Variants in CFTR observed in about 807,000 individuals in gnomAD.
CFTR encodes the protein CF transmembrane conductance regulator.
In CFTR, 181 loss-of-function variants were observed where a neutral mutation model predicts 171.6. The observed-to-expected ratio is 1.05, with a 90% CI of 0.93 to 1.19. The LOEUF is 1.19. Ranked by LOEUF, CFTR falls within the 50% of genes most tolerant of loss-of-function variation. CFTR has a pLI of 0.00. For missense variants in CFTR, 1,968 were observed against 1,734.7 expected (o/e 1.13, Z -2.39); for synonymous variants, 583 against 608.0 (o/e 0.96, Z 0.60).
At chr7:117,533,838 C>T (rs1410042943) in intron 4 of CFTR, among the ~76,000 whole-genome samples, 6 of 151,874 alleles carry the variant, frequency 4.0e-5, no homozygotes. Context: ...TTCAGTTATT[C>T]ATCATATACT....
chr7:117,565,011 T>G (rs982199034), intron 11 of CFTR, among the ~76,000 whole-genome samples: 1 of 152,242 alleles, frequency 6.6e-6, no homozygotes, highest in Admixed American at 6.5e-5. Context: ...TCCTCTTTCA[T>G]AAACAGCTCC....
chr7:117,641,431 T>C (rs116261551), intron 22 of CFTR, among the ~76,000 whole-genome samples: 10 of 152,298 alleles, frequency 6.6e-5, no homozygotes, highest in African/African-American at 2.4e-4. Flanking sequence ...AAAACAAAAC[T>C]GTCCTTCACT....
At chr7:117,485,671 A>G (rs973471796) in intron 1 of CFTR, among the ~76,000 whole-genome samples, 1 of 152,176 alleles carries the variant, frequency 6.6e-6, no homozygotes, top group Non-Finnish European at 1.5e-5. Context: ...AGAGAATTAC[A>G]TTCCTACAGA....
intron 21 of CFTR, among the ~76,000 whole-genome samples, chr7:117,623,933 C>T (rs1167043595): frequency 3.9e-5 from 6 of 152,026 alleles, no homozygotes; most frequent in Non-Finnish European, 7.4e-5. Context: ...GGTCCTCTCA[C>T]GTGCAGGAAC....
intron 20 of CFTR, among the ~76,000 whole-genome samples, chr7:117,612,074 TCC>T (rs1562915245): frequency 1.4e-5 from 2 of 137,932 alleles, no homozygotes; most frequent in Non-Finnish European, 1.6e-5. Context: ...TATAGTATTA[TCC>T]CTGTTTTCAC....
At chr7:117,568,865 C>T (rs1301916124) in intron 11 of CFTR, among the ~76,000 whole-genome samples, 1 of 152,218 alleles carries the variant, frequency 6.6e-6, no homozygotes, top group Non-Finnish European at 1.5e-5. Context: ...TCCTGCCTAA[C>T]TAAAACTTTG....
rs561377298 is a variant in CFTR, at chr7:117,499,375, C to G, written c.54-4878C>G. ...TTTTTATAAGGAATTACAAGTCACT[C>G]TATACAAAAATTGGAATTTTTGTCC... On this transcript the variant is annotated intron_variant, in intron 1 of 26. Transcript: ENST00000003084. Among the ~76,000 whole-genome samples the G allele has an allele frequency of 5.7e-4, 85 of 150,246 alleles. 3 individuals are homozygous for G. The South Asian group carries it at 0.017, about 30-fold the overall frequency.
At chr7:117,519,945 T>C (rs1798660720) in intron 3 of CFTR, among the ~76,000 whole-genome samples, 1 of 151,944 alleles carries the variant, frequency 6.6e-6, no homozygotes, top group Non-Finnish European at 1.5e-5. Flanking sequence ...TAAATTGCTT[T>C]CCAGAAAAGG....
intron 21 of CFTR, among the ~76,000 whole-genome samples, chr7:117,619,565 G>A (rs1410142399): frequency 6.6e-6 from 1 of 152,168 alleles, no homozygotes; most frequent in Non-Finnish European, 1.5e-5. Flanking sequence ...AGTCTGATGT[G>A]TAGAGAAAAG....
intron 1 of CFTR, among the ~76,000 whole-genome samples, chr7:117,496,047 G>A (rs930853134): frequency 3.3e-5 from 5 of 151,990 alleles, no homozygotes; most frequent in Non-Finnish European, 5.9e-5. Flanking sequence ...CCCCCTGCTC[G>A]CCCTAGACAA....
intron 6 of CFTR, among the ~76,000 whole-genome samples, chr7:117,535,970 GA>G (rs1421967072): frequency 6.6e-6 from 1 of 152,126 alleles, no homozygotes; most frequent in Non-Finnish European, 1.5e-5. Flanking sequence ...GGTAAAAAAG[GA>G]TAAAACATTT....
At chr7:117,557,185 C>A (rs1313620940) in intron 10 of CFTR, among the ~76,000 whole-genome samples, 1 of 151,840 alleles carries the variant, frequency 6.6e-6, no homozygotes, top group African/African-American at 2.4e-5. Context: ...CCTCTTTGAC[C>A]TAAGATATCC....
At chr7:117,506,633 T>A (rs1214227602) in intron 2 of CFTR, among the ~76,000 whole-genome samples, 1 of 152,230 alleles carries the variant, frequency 6.6e-6, no homozygotes, top group Admixed American at 6.5e-5. Context: ...CATTTGTATT[T>A]ATGGCCAGAT....
Position 117,626,803 on chromosome 7 carries a change from C to A in CFTR, c.3469-719C>A, listed in dbSNP as rs966992654. On this transcript the variant is annotated intron_variant, in intron 21 of 26. Transcript: ENST00000003084. ...TGTTTTTTTTAAAAAAAATTGAACA[C>A]CTTTAAAAATTATCAAGTCCTTTTA... Among the ~76,000 whole-genome samples the A allele has an allele frequency of 2.0e-5, 3 of 151,672 alleles. No homozygotes were observed. In the South Asian group the frequency reaches 6.2e-4, roughly 32 times the overall value.
In CFTR at chr7:117,548,315, C is replaced by G. The variant is rs1042306510; in HGVS notation, c.1210-326C>G. ...GATTAAATAATAGTGTTTATGTACCCCGCTTATAGGAGAAGAGGGTGTGTG... is the reference window on the plus strand; with the variant it reads ...GATTAAATAATAGTGTTTATGTACCGCGCTTATAGGAGAAGAGGGTGTGTG... On this transcript the variant is annotated intron_variant, in intron 9 of 26. Coordinates refer to ENST00000003084, the MANE Select transcript of CFTR (RefSeq NM_000492.4). Among the ~76,000 whole-genome samples, 4 of 146,538 alleles carry G rather than the reference C, an allele frequency of 2.7e-5. No individual in the cohort carries two copies. The East Asian group carries it at 7.9e-4, about 29-fold the overall frequency.
intron 10 of CFTR, among the ~76,000 whole-genome samples, chr7:117,555,843 CTGTT>C (rs538329956): frequency 1.3e-5 from 2 of 152,262 alleles, no homozygotes; most frequent in South Asian, 4.1e-4. Flanking sequence ...TGTTAATTGA[CTGTT>C]TATGTTATCT....
At position 117,595,043 on chromosome 7, in the gene CFTR, A is replaced by G. The variant is rs1800105; in HGVS notation, c.2604A>G (p.Val868=). 17 of 1,612,460 alleles carry G rather than the reference A, an allele frequency of 1.1e-5. No homozygotes were observed. The Admixed American group carries it at 1.7e-4, about 16-fold the overall frequency. ...SLIFVLIWCL[V]IFLAEVAASL... is the part of the protein sequence containing the mutation. ...TTTTTGTGCTAATTTGGTGCTTAGT[A>G]ATTTTTCTGGCAGAGGTAAGAATGT... Residue 868 remains valine, a synonymous_variant, in exon 15 of 27, where the codon GTA becomes GTG. Transcript: ENST00000003084.
At chr7:117,628,418 A>T (rs963862771) in intron 22 of CFTR, among the ~76,000 whole-genome samples, 2 of 152,172 alleles carry the variant, frequency 1.3e-5, no homozygotes, top group African/African-American at 4.8e-5. Context: ...CTCCATAAAC[A>T]TATTTCTTAA....
intron 13 of CFTR, among the ~76,000 whole-genome samples, chr7:117,590,885 A>G (rs1792015340): frequency 6.6e-6 from 1 of 151,996 alleles, no homozygotes; most frequent in African/African-American, 2.4e-5. Context: ...ATCTACCTCA[A>G]TACTTCCTTG....
Sources: gnomAD v4.1 joint callset for allele counts (sites outside exome capture counted in the v4.1 genomes callset) on GRCh38, gnomAD v4.1.1 for gene constraint, MANE v1.5 for transcripts, NCBI Gene and HGNC (gene_info 2026-07-23, HGNC 2026-07-21) for gene names.